FUCA1: variants seen among roughly 807,000 people sequenced by gnomAD.
FUCA1 encodes the protein tissue alpha-L-fucosidase.
Under a neutral mutation model 56.8 loss-of-function variants are expected in FUCA1, and 52 were observed. The observed-to-expected ratio is 0.92, with a 90% CI of 0.73 to 1.15. The LOEUF (loss-of-function observed/expected upper bound fraction) is 1.15, where lower values mean the gene tolerates loss of function less well. Ranked by LOEUF, FUCA1 falls within the 50% of genes most tolerant of loss-of-function variation. The pLI is 0.00. For missense variants in FUCA1, 568 were observed against 592.6 expected (o/e 0.96, Z 0.43); for synonymous variants, 230 against 226.6 (o/e 1.02, Z -0.14).
At position 23,846,275 on chromosome 1, in the gene FUCA1, C is replaced by CT. The variant is rs11456086; in HGVS notation, c.1161-103dup. 229,444 of 644,652 alleles carry CT rather than the reference C, an allele frequency of 0.36. 10,384 individuals are homozygous for CT. The highest frequency in any genetic ancestry group is 0.39 in the East Asian group (12,916 of 32,888). The allele number at this position is 644,652 out of a possible 1,614,324, so 39.9% of individuals were successfully genotyped here. ...TTTAATGTTAATTTTCTTTTCTTTT[C>CT]TTTTTTTTTTTTTTGAGACAGAGTC... On this transcript the variant is annotated intron_variant, in intron 6 of 7. Transcript: ENST00000374479.
intron 4 of FUCA1, among the ~76,000 whole-genome samples, chr1:23,856,131 A>C (rs1639384039): frequency 6.6e-6 from 1 of 152,184 alleles, no homozygotes; most frequent in Admixed American, 6.6e-5. Flanking sequence ...CTTATCTATA[A>C]AAACAAACAA....
chr1:23,866,276 T>C (rs1291988803), intron 1 of FUCA1, among the ~76,000 whole-genome samples: 1 of 152,202 alleles, frequency 6.6e-6, no homozygotes, highest in Non-Finnish European at 1.5e-5. Context: ...CATGCAACTG[T>C]ACTCCAGCCT....
At chr1:23,862,685 T>TTCA (rs1639532850) in intron 3 of FUCA1, among the ~76,000 whole-genome samples, 1 of 152,202 alleles carries the variant, frequency 6.6e-6, no homozygotes. Context: ...ACAGATACAT[T>TTCA]TCACATACTA....
Position 23,858,125 on chromosome 1 carries a change from C to T in FUCA1, c.768+1673G>A, listed in dbSNP as rs192824790. 3.8e-3 allele frequency among the ~76,000 whole-genome samples: 575 copies of T among 152,050 alleles called. 16 individuals carry two copies. Among genetic ancestry groups the T allele is most frequent in the Admixed American group, 0.035 (538 of 15,244 alleles). ...TGTCGCCCAGGCTGGAGTGCAGTGG[C>T]GCGATCTCGGCTCACTGAAAGCTCT... On this transcript the variant is annotated intron_variant, in intron 4 of 7. Coordinates refer to ENST00000374479, the MANE Select transcript of FUCA1 (RefSeq NM_000147.5).
intron 6 of FUCA1, 87 bp from the exon 7 acceptor site, chr1:23,846,260 ATT>A: frequency 1.1e-6 from 1 of 905,206 alleles, no homozygotes; most frequent in Non-Finnish European, 1.7e-6. Context: ...TTTAATGTTA[ATT>A]TTCTTTTCTT....
intron 4 of FUCA1, among the ~76,000 whole-genome samples, chr1:23,858,729 T>C (rs1232790616): frequency 6.6e-6 from 1 of 152,148 alleles, no homozygotes; most frequent in East Asian, 1.9e-4. Context: ...TTTTGTAGGT[T>C]TTGTGTATCT....
intron 2 of FUCA1, 100 bp downstream of exon 2, chr1:23,865,391 C>A (rs1338227546): frequency 6.7e-7 from 1 of 1,502,926 alleles, no homozygotes; most frequent in Middle Eastern, 1.7e-4. Context: ...AGGCTACTTG[C>A]TATATGCAAA....
chr1:23,855,602 C>G (rs1375440551), intron 4 of FUCA1, among the ~76,000 whole-genome samples: 1 of 152,220 alleles, frequency 6.6e-6, no homozygotes, highest in African/African-American at 2.4e-5. Context: ...GTTTTAGAGT[C>G]ATTCACATTG....
At chr1:23,866,169 G>T (rs530349457) in intron 1 of FUCA1, among the ~76,000 whole-genome samples, 2 of 152,100 alleles carry the variant, frequency 1.3e-5, no homozygotes, top group Non-Finnish European at 2.9e-5. Context: ...AAAATTAGCC[G>T]GGCATGGTGG....
chr1:23,854,589 A>G (rs967982736), intron 4 of FUCA1, 29 bp from the exon 5 acceptor site: 5 of 1,568,260 alleles, frequency 3.2e-6, no homozygotes, highest in Admixed American at 3.3e-5. Flanking sequence ...TTTGGTCATG[A>G]GGAGTAAAAC....
rs1281529514 is a variant in FUCA1 at position 23,846,126 on chromosome 1, G to A, written c.1208C>T (p.Pro403Leu). Residue 403 changes from proline (P) to leucine (L), a missense_variant, in exon 7 of 8, where the codon CCA becomes CTA. Coordinates refer to ENST00000374479, the MANE Select transcript of FUCA1 (RefSeq NM_000147.5). The stretch of plus-strand genomic sequence containing the variant: ...TTCAAGGTTTAAGACTCCATTTTCT[G>A]GCCAGTGCAGAAAAATGGCATAAAC... ...SAVYAIFLHWPENGVLNLESP... is the reference protein window; with the variant it reads ...SAVYAIFLHWLENGVLNLESP... 6.2e-7 allele frequency: 1 copy of A among 1,614,084 alleles called. No homozygotes were observed. Among genetic ancestry groups the A allele is most frequent in the Non-Finnish European group, 8.5e-7 (1 of 1,179,978 alleles).
At chr1:23,849,575 CTTTTTTTTTTTTT>C (rs991049814) in intron 5 of FUCA1, among the ~76,000 whole-genome samples, 2 of 80,262 alleles carry the variant, frequency 2.5e-5, no homozygotes, top group Non-Finnish European at 4.6e-5. Flanking sequence ...GAGATACGTT[CTTTTTTTTTTTTT>C]TTTTTTTTTT....
rs182542370 is a variant in FUCA1, at chr1:23,849,769, G to A, written c.970-930C>T. 3.4e-3 allele frequency among the ~76,000 whole-genome samples: 508 copies of A among 151,502 alleles called. 1 individual carries two copies. Among genetic ancestry groups the A allele is most frequent in the Non-Finnish European group, 3.8e-3 (257 of 67,880 alleles). ...AGTTAATTTTTGTATTTTTAGTAGAGATGGGGTTTCACTATGTTGGCCAGG... is the reference window on the plus strand; with the variant it reads ...AGTTAATTTTTGTATTTTTAGTAGAAATGGGGTTTCACTATGTTGGCCAGG... On this transcript the variant is annotated intron_variant, in intron 5 of 7. Transcript: ENST00000374479.
chr1:23,859,244 T>A lies in FUCA1; in HGVS notation c.768+554A>T, dbSNP rs112676665. On this transcript the variant is annotated intron_variant, in intron 4 of 7. Transcript: ENST00000374479. ...TTAGTCTACTATGTAAATTTACCAC[T>A]GTTTAAACCTATATTGTCAAAGTTA... Among the ~76,000 whole-genome samples, 12 of 152,302 alleles carry A rather than the reference T, an allele frequency of 7.9e-5. 1 individual carries two copies. Among genetic ancestry groups the A allele is most frequent in the African/African-American group, 2.9e-4 (12 of 41,572 alleles).
chr1:23,856,857 T>C (rs376577895), intron 4 of FUCA1, among the ~76,000 whole-genome samples: 57 of 151,984 alleles, frequency 3.8e-4, no homozygotes, highest in Non-Finnish European at 7.5e-4. Context: ...CCAGGTGTGA[T>C]GGTGTGCGCC....
chr1:23,865,913 A>AGCT (rs1221745881), intron 1 of FUCA1, among the ~76,000 whole-genome samples: 2 of 152,190 alleles, frequency 1.3e-5, no homozygotes, highest in African/African-American at 4.8e-5. Context: ...AGTGCACCTT[A>AGCT]GCTCTCTGAT....
Position 23,859,870 on chromosome 1 carries a change from C to T in FUCA1, c.696G>A (p.Glu232=). 1 of 1,613,282 alleles carries T rather than the reference C, an allele frequency of 6.2e-7. No individual in the cohort carries two copies. The highest frequency in any genetic ancestry group is 8.5e-7 in the Non-Finnish European group (1 of 1,179,254). ...TCCAGTAAGTATCAGGACATTCCCA[C>T]TCCCCATCAGACCAGATCAGATCAG... The part of the protein sequence containing the change: ...YKPDLIWSDG[E]WECPDTYWNS... The change falls in exon 4 of 8, where the codon GAG becomes GAA. Residue 232 remains glutamate (E), a synonymous_variant. Coordinates refer to ENST00000374479, the MANE Select transcript of FUCA1 (RefSeq NM_000147.5).
intron 5 of FUCA1, among the ~76,000 whole-genome samples, chr1:23,853,004 C>T (rs1223530532): frequency 6.7e-6 from 1 of 149,494 alleles, no homozygotes; most frequent in Non-Finnish European, 1.5e-5. Flanking sequence ...CGTCTCTGCC[C>T]GGCCGCCATC....
chr1:23,863,288 G>GAACAGCAACTGTCATTAAGC lies in FUCA1; in HGVS notation c.525-37_525-18dup. On this transcript the variant is annotated splice_polypyrimidine_tract_variant and intron_variant, in intron 2 of 7. Transcript: ENST00000374479. ...CGGATGTTCCTTAAACAGAAAAACA[G>GAACAGCAACTGTCATTAAGC]AACAGCAACTGTCATTAAGCATAGA... 1.2e-6 allele frequency: 2 copies of GAACAGCAACTGTCATTAAGC among 1,610,594 alleles called. No individual in the cohort carries two copies. The highest frequency in any genetic ancestry group is 1.7e-6 in the Non-Finnish European group (2 of 1,179,130).
Sources: allele counts gnomAD v4.1 joint callset (sites outside exome capture counted in the v4.1 genomes callset), GRCh38; gene constraint gnomAD v4.1.1; transcripts MANE v1.5; gene names NCBI Gene and HGNC (gene_info 2026-07-23, HGNC 2026-07-21).